FAM161A: variants seen among roughly 807,000 people sequenced by gnomAD.
The protein encoded by FAM161A is FAM161 centrosomal protein A.
A neutral mutation model predicts 70.9 loss-of-function variants in FAM161A; 57 were observed. That is an observed-to-expected ratio of 0.80 (90% CI 0.65 to 1.00). The LOEUF (loss-of-function observed/expected upper bound fraction) is 1.00, where lower values mean the gene tolerates loss of function less well. Among genes scored for constraint, FAM161A ranks in the 50% least tolerant of loss-of-function variants. FAM161A has a pLI of 0.00. For synonymous variants in FAM161A, 299 were observed against 295.7 expected (o/e 1.01, Z -0.12); for missense variants, 880 against 836.0 (o/e 1.05, Z -0.65).
At chr2:61,845,334 A>G (rs1226798277) in intron 1 of FAM161A, among the ~76,000 whole-genome samples, 2 of 152,128 alleles carry the variant, frequency 1.3e-5, no homozygotes, top group African/African-American at 2.4e-5. Context: ...CTCCTAAACC[A>G]TGAGAACACT....
Position 61,839,628 on chromosome 2 carries a change from A to G in FAM161A, c.1376T>C (p.Leu459Pro). ...AATAGATGCATGTGGAGATGCATGA[A>G]GATCAAATGGTTTACACACTGTTAA... ...KLLTVCKPFD[L>P]HASPHASIKR... Residue 459 changes from leucine (L) to proline (P), a missense_variant, in exon 3 of 7, where the codon CTT (leucine) becomes CCT (proline). Transcript: ENST00000404929. 6.2e-7 allele frequency: 1 copy of G among 1,614,234 alleles called. No individual in the cohort carries two copies. The highest frequency in any genetic ancestry group is 8.5e-7 in the Non-Finnish European group (1 of 1,180,046).
chr2:61,804,768 G>GAGAAAAAGAAAGAAAGAAAGAA, the FAM161A span, among the ~76,000 whole-genome samples: 1 of 118,952 alleles, frequency 8.4e-6, no homozygotes, highest in African/African-American at 3.2e-5. Context: ...GAAAAAGAAA[G>GAGAAAAAGAAAGAAAGAAAGAA]AGAAAGAAAG....
intron 4 of FAM161A, chr2:61,836,443 A>C (rs1672777075): frequency 5.0e-6 from 1 of 201,192 alleles, no homozygotes. Flanking sequence ...GATGAATGAA[A>C]GTCCTCTTGT....
At chr2:61,819,099 C>G in the FAM161A span, among the ~76,000 whole-genome samples, 3 of 152,300 alleles carry the variant, frequency 2.0e-5, no homozygotes, top group Middle Eastern at 0.01. Context: ...TGCCAGGCTA[C>G]AGATGACTGG....
chr2:61,840,776 G>C (rs1337382895), intron 2 of FAM161A, among the ~76,000 whole-genome samples, 195 bp from the exon 3 acceptor site: 1 of 151,898 alleles, frequency 6.6e-6, no homozygotes, highest in Admixed American at 6.6e-5. Context: ...TCAGCCTCCC[G>C]AGTAGCTGGG....
chr2:61,851,739 G>A (rs1673504294), intron 1 of FAM161A, among the ~76,000 whole-genome samples: 1 of 149,960 alleles, frequency 6.7e-6, no homozygotes, highest in Non-Finnish European at 1.5e-5. Context: ...CCCAATATGG[G>A]CACTGCAAGG....
chr2:61,838,634 A>C lies in FAM161A; in HGVS notation c.1655T>G (p.Met552Arg), dbSNP rs76112350. The change falls in exon 4 of 7, where the codon ATG (methionine) becomes AGG (arginine). Residue 552 changes from methionine (M) to arginine (R), a missense_variant. Coordinates refer to ENST00000404929, the MANE Select transcript of FAM161A (RefSeq NM_001201543.2). ...TGTCAGGAGTTTCTGCAATTCTTTCATTCTTTGCTTCTGTTTAGTTAGGAT... is the reference window on the plus strand; with the variant it reads ...TGTCAGGAGTTTCTGCAATTCTTTCCTTCTTTGCTTCTGTTTAGTTAGGAT... ...NRILTKQKQR[M>R]KELQKLLTTR... 2,854 of 1,611,838 alleles carry C rather than the reference A, an allele frequency of 1.8e-3. 57 individuals are homozygous for C. The African/African-American group carries it at 0.034, about 19-fold the overall frequency.
chr2:61,820,271 C>T (rs947717253), downstream of FAM161A: 21 of 677,764 alleles, frequency 3.1e-5, no homozygotes, highest in African/African-American at 1.4e-4. Flanking sequence ...AGCTTTGAAA[C>T]GACTGATGAG....
At chr2:61,848,823 TA>T (rs1673325957) in intron 1 of FAM161A, among the ~76,000 whole-genome samples, 1 of 11,590 alleles carries the variant, frequency 8.6e-5, no homozygotes, top group African/African-American at 3.1e-4. Flanking sequence ...TTTATATATA[TA>T]TATCTATATA....
chr2:61,818,336 G>A, the FAM161A span, among the ~76,000 whole-genome samples: 1 of 152,134 alleles, frequency 6.6e-6, no homozygotes, highest in Non-Finnish European at 1.5e-5. Context: ...GATTACAGGT[G>A]TGAGCCACCG....
At position 61,825,710 on chromosome 2, in the gene FAM161A, T is replaced by A; in HGVS notation, c.*745A>T. The A allele has an allele frequency of 7.2e-6, 3 of 417,572 alleles. No individual in the cohort carries two copies. The highest frequency in any genetic ancestry group is 1.4e-5 in the Non-Finnish European group (3 of 214,724). 25.9% of individuals were successfully genotyped at this position (417,572 alleles called of 1,614,324 possible). A position where few individuals can be genotyped will look rare whatever the true frequency, so the allele number is the denominator to read the frequency against. The stretch of plus-strand genomic sequence containing the variant: ...TGGAGTGCAGTGGCGCGATCTCGGC[T>A]CACTGCAAGCTCTGCCTCCTGGGTT... On this transcript the variant is annotated 3_prime_UTR_variant, in exon 7 of 7. Transcript: ENST00000404929.
the FAM161A span, among the ~76,000 whole-genome samples, chr2:61,816,334 A>G: frequency 1.6e-3 from 244 of 152,240 alleles, 1 homozygote; most frequent in African/African-American, 5.5e-3. Context: ...GACTGACAAC[A>G]AAAGCATCCC....
At chr2:61,843,314 A>T (rs1034968967) in intron 1 of FAM161A, among the ~76,000 whole-genome samples, 10 of 152,076 alleles carry the variant, frequency 6.6e-5, no homozygotes, top group Admixed American at 6.5e-4. Context: ...TTTAGTAGAG[A>T]CGGGGTTTCA....
Position 61,838,672 on chromosome 2 carries a change from T to C in FAM161A, c.1617A>G (p.Glu539=), listed in dbSNP as rs1240890408. ...GTTTAGTTAGGATCCGATTTCTCTC[T>C]TCTTCCAACATTTTCTTTTCCTCAA... ...RSLEEKKMLE[E]ERNRILTKQK... is the part of the protein sequence containing the mutation. The change falls in exon 4 of 7, where the codon GAA becomes GAG. Residue 539 remains glutamate (E), a synonymous_variant. Transcript: ENST00000404929. The C allele has an allele frequency of 2.5e-6, 4 of 1,608,900 alleles. No homozygotes were observed. In the African/African-American group the frequency reaches 4.0e-5, roughly 16 times the overall value.
intron 6 of FAM161A, 30 bp downstream of exon 6, chr2:61,827,074 T>C (rs1672393458): frequency 3.7e-6 from 6 of 1,610,758 alleles, no homozygotes; most frequent in Non-Finnish European, 4.2e-6. Flanking sequence ...TTTTCAAAGG[T>C]AAGCCATTCA....
At chr2:61,847,173 A>C (rs1243181843) in intron 1 of FAM161A, among the ~76,000 whole-genome samples, 1 of 152,060 alleles carries the variant, frequency 6.6e-6, no homozygotes, top group Non-Finnish European at 1.5e-5. Context: ...AAAAAAAAGA[A>C]ACAAAAATCC....
chr2:61,846,639 G>A (rs1403112836), intron 1 of FAM161A: 2 of 247,296 alleles, frequency 8.1e-6, no homozygotes, highest in African/African-American at 4.7e-5. Context: ...ACTCTGCTTT[G>A]CAATGCCAGA....
chr2:61,809,162 C>T, the FAM161A span, among the ~76,000 whole-genome samples: 2 of 152,134 alleles, frequency 1.3e-5, no homozygotes, highest in Non-Finnish European at 2.9e-5. Context: ...CATGAGCCAC[C>T]GCGCCCCGCC....
At chr2:61,800,996 T>C in the FAM161A span, among the ~76,000 whole-genome samples, 3 of 151,284 alleles carry the variant, frequency 2.0e-5, no homozygotes, top group Non-Finnish European at 2.9e-5. Context: ...GGTTTCACCA[T>C]GTTGGCCAGG....
Sources: allele counts gnomAD v4.1 joint callset (sites outside exome capture counted in the v4.1 genomes callset), GRCh38; gene constraint gnomAD v4.1.1; transcripts MANE v1.5; gene names NCBI Gene and HGNC (gene_info 2026-07-23, HGNC 2026-07-21).